The following NPFFR2 variants were observed in gnomAD, a reference collection of about 807,000 sequenced individuals.
NPFFR2 encodes the protein G-protein coupled receptor 74.
Under a neutral mutation model 13.1 loss-of-function variants are expected in NPFFR2, and 15 were observed. The observed-to-expected ratio is 1.15, with a 90% CI of 0.77 to 1.76. NPFFR2 has a LOEUF of 1.76. NPFFR2 is among the 40% of genes most tolerant of loss of function. NPFFR2 has a pLI of 0.00. For synonymous variants in NPFFR2, 190 were observed against 175.7 expected (o/e 1.08, Z -0.65); for missense variants, 572 against 503.5 (o/e 1.14, Z -1.30).
intron 1 of NPFFR2, among the ~76,000 whole-genome samples, chr4:72,128,173 A>G (rs1036747108): frequency 1.3e-4 from 20 of 152,202 alleles, no homozygotes; most frequent in Non-Finnish European, 1.2e-4. Flanking sequence ...TAGACCTCGT[A>G]TCTTCTTCAG....
chr4:72,137,052 A>G (rs1038813534), intron 2 of NPFFR2, among the ~76,000 whole-genome samples: 2 of 152,174 alleles, frequency 1.3e-5, no homozygotes, highest in Admixed American at 1.3e-4. Context: ...AAATAATACT[A>G]TCATAAGCTA....
chr4:72,080,415 G>A (rs1393922342), intron 1 of NPFFR2, among the ~76,000 whole-genome samples: 11 of 151,846 alleles, frequency 7.2e-5, no homozygotes, highest in Admixed American at 4.6e-4. Flanking sequence ...TGCCTGCCTC[G>A]GCCTCCCAAA....
At chr4:72,124,808 C>G (rs1041807536) in intron 1 of NPFFR2, among the ~76,000 whole-genome samples, 3 of 152,206 alleles carry the variant, frequency 2.0e-5, no homozygotes, top group African/African-American at 4.8e-5. Context: ...AGACCTAAAA[C>G]CATAAAAACC....
chr4:72,066,530 T>C (rs1720076749), intron 1 of NPFFR2, among the ~76,000 whole-genome samples: 2 of 152,056 alleles, frequency 1.3e-5, no homozygotes, highest in African/African-American at 4.8e-5. Flanking sequence ...GATGCAAAGG[T>C]GTATATCATC....
At chr4:72,067,894 C>T (rs747485309) in intron 1 of NPFFR2, among the ~76,000 whole-genome samples, 12 of 152,188 alleles carry the variant, frequency 7.9e-5, no homozygotes, top group Non-Finnish European at 1.5e-4. Context: ...CATGTTTCTA[C>T]CAGCATTCTG....
chr4:72,036,099 T>C (rs1033479888), intron 1 of NPFFR2, among the ~76,000 whole-genome samples: 12 of 152,216 alleles, frequency 7.9e-5, no homozygotes, highest in Non-Finnish European at 1.5e-4. Flanking sequence ...GCTGCAACCA[T>C]ACGCATTATC....
At chr4:72,056,001 G>T (rs7675387) in intron 1 of NPFFR2, among the ~76,000 whole-genome samples, 40,385 of 151,834 alleles carry the variant, frequency 0.27, 6,002 homozygotes, top group Middle Eastern at 0.38. Context: ...AAAGTCAAAG[G>T]TGAAGCAACA....
At chr4:72,033,947 G>A (rs1219126798) in intron 1 of NPFFR2, among the ~76,000 whole-genome samples, 2 of 152,084 alleles carry the variant, frequency 1.3e-5, no homozygotes, top group Non-Finnish European at 2.9e-5. Flanking sequence ...GATTTTTTAT[G>A]AGAATTCCAT....
chr4:72,080,508 A>G (rs1720585349), intron 1 of NPFFR2, among the ~76,000 whole-genome samples: 1 of 152,136 alleles, frequency 6.6e-6, no homozygotes, highest in African/African-American at 2.4e-5. Context: ...TATTTATCTT[A>G]TACTATACAT....
At chr4:72,086,767 G>T (rs1345191305) in intron 1 of NPFFR2, among the ~76,000 whole-genome samples, 3 of 152,034 alleles carry the variant, frequency 2.0e-5, no homozygotes, top group African/African-American at 7.2e-5. Flanking sequence ...TTTTGGAACA[G>T]TTGATTGCTA....
intron 1 of NPFFR2, among the ~76,000 whole-genome samples, chr4:72,127,614 C>T (rs1389829878): frequency 1.3e-5 from 2 of 150,258 alleles, no homozygotes; most frequent in African/African-American, 2.4e-5. Flanking sequence ...CCGCCCGCCT[C>T]GGCCTCCCAA....
intron 1 of NPFFR2, among the ~76,000 whole-genome samples, chr4:72,119,360 GC>G (rs751190673): frequency 6.6e-6 from 1 of 152,108 alleles, no homozygotes; most frequent in Non-Finnish European, 1.5e-5. Flanking sequence ...TTCTTGAGAA[GC>G]TTTGTAGTTA....
intron 1 of NPFFR2, among the ~76,000 whole-genome samples, chr4:72,052,915 T>C (rs1157706104): frequency 6.6e-6 from 1 of 151,918 alleles, no homozygotes; most frequent in Non-Finnish European, 1.5e-5. Context: ...TTTCAACCAA[T>C]TGACAATCAG....
At chr4:72,102,535 C>A (rs1051519770) in intron 1 of NPFFR2, among the ~76,000 whole-genome samples, 1 of 127,242 alleles carries the variant, frequency 7.9e-6, no homozygotes, top group Non-Finnish European at 1.6e-5. Flanking sequence ...CCTCCCCCCA[C>A]CCACAACAGT....
rs140678088 is a variant in NPFFR2 at position 72,057,747 on chromosome 4, T to C, written c.-8+25547T>C. ...TATTTACAGAGTATCTCCCACAATA[T>C]ACTTATTAAGTGCCAAGGGAAAAGT... is the stretch of plus-strand genomic sequence containing the variant. On this transcript the variant is annotated intron_variant, in intron 1 of 3. Coordinates refer to ENST00000308744, the MANE Select transcript of NPFFR2 (RefSeq NM_004885.3). Among the ~76,000 whole-genome samples, 586 of 152,092 alleles carry C rather than the reference T, an allele frequency of 3.9e-3. 3 individuals carry two copies. The highest frequency in any genetic ancestry group is 0.014 in the African/African-American group (563 of 41,514).
chr4:72,099,580 G>C (rs907737482), intron 1 of NPFFR2, among the ~76,000 whole-genome samples: 2 of 152,002 alleles, frequency 1.3e-5, no homozygotes, highest in East Asian at 1.9e-4. Flanking sequence ...GCAAGAGAGA[G>C]GGGGAGGAGG....
chr4:72,119,881 T>G (rs969388388), intron 1 of NPFFR2, among the ~76,000 whole-genome samples: 1 of 151,950 alleles, frequency 6.6e-6, no homozygotes. Flanking sequence ...CTAGCTGCAG[T>G]TTTTCTTTTT....
At chr4:72,048,696 T>A (rs1464245499) in intron 1 of NPFFR2, among the ~76,000 whole-genome samples, 2 of 151,826 alleles carry the variant, frequency 1.3e-5, no homozygotes, top group Non-Finnish European at 2.9e-5. Flanking sequence ...AATTTTTTTT[T>A]AATGATACTT....
chr4:72,139,414 C>T (rs1170052401), intron 3 of NPFFR2, among the ~76,000 whole-genome samples: 1 of 152,122 alleles, frequency 6.6e-6, no homozygotes, highest in African/African-American at 2.4e-5. Flanking sequence ...AGTCTTTAAT[C>T]CATCTTGAAT....
Sources: gnomAD v4.1 joint callset for allele counts (sites outside exome capture counted in the v4.1 genomes callset) on GRCh38, gnomAD v4.1.1 for gene constraint, MANE v1.5 for transcripts, NCBI Gene and HGNC (gene_info 2026-07-23, HGNC 2026-07-21) for gene names.